The following CDH12 variants were observed in gnomAD, a reference collection of about 807,000 sequenced individuals.
CDH12 encodes cadherin-12.
A neutral mutation model predicts 74.1 loss-of-function variants in CDH12; 41 were observed. The observed-to-expected ratio is 0.55, with a 90% confidence interval of 0.43 to 0.72. The LOEUF is 0.72. Among genes scored for constraint, CDH12 ranks in the 30% least tolerant of loss-of-function variants. The pLI is 0.00. For missense variants in CDH12, 945 were observed against 977.2 expected (o/e 0.97, Z 0.44); for synonymous variants, 399 against 355.0 (o/e 1.12, Z -1.39).
At chr5:21,827,828 C>T (rs540363678) in intron 8 of CDH12, among the ~76,000 whole-genome samples, 14 of 152,178 alleles carry the variant, frequency 9.2e-5, no homozygotes, top group Admixed American at 3.9e-4. Flanking sequence ...ATAAACATGA[C>T]GGCAATTTTG....
At position 22,850,665 on chromosome 5, in the gene CDH12, T is replaced by C. The variant is rs147771639; in HGVS notation, c.-523+2393A>G. Among the ~76,000 whole-genome samples the C allele has an allele frequency of 7.1e-3, 1,085 of 152,224 alleles. 14 individuals are homozygous for C. The highest frequency in any genetic ancestry group is 0.025 in the African/African-American group (1,023 of 41,564). On this transcript the variant is annotated intron_variant, in intron 1 of 14. Coordinates refer to ENST00000382254, the MANE Select transcript of CDH12 (RefSeq NM_004061.5). ...AATTACTTTTAAAACAGCAATAATT[T>C]GCTAGAAGATGAACAGGATAATATC...
At chr5:21,979,964 T>G (rs1312321167) in intron 5 of CDH12, among the ~76,000 whole-genome samples, 1 of 151,848 alleles carries the variant, frequency 6.6e-6, no homozygotes, top group East Asian at 1.9e-4. Context: ...TCCTGACTTT[T>G]TAATGATTGC....
chr5:22,590,289 A>G (rs1265563347), intron 1 of CDH12, among the ~76,000 whole-genome samples: 1 of 152,180 alleles, frequency 6.6e-6, no homozygotes, highest in East Asian at 1.9e-4. Flanking sequence ...AAATGAAAGC[A>G]AAAAGAAAAA....
intron 4 of CDH12, among the ~76,000 whole-genome samples, chr5:22,202,569 G>T (rs1485949661): frequency 6.6e-6 from 1 of 152,104 alleles, no homozygotes; most frequent in Admixed American, 6.5e-5. Context: ...AGCTCAGTTT[G>T]ACTTTGATTA....
At chr5:22,144,224 T>C (rs570424399) in intron 4 of CDH12, 1 of 152,202 alleles carries the variant, frequency 6.6e-6, no homozygotes, top group Non-Finnish European at 1.5e-5. Flanking sequence ...ATCCACTAAC[T>C]GTTTAGAAAT....
chr5:22,390,488 T>A (rs893824026), intron 3 of CDH12, among the ~76,000 whole-genome samples: 1 of 152,026 alleles, frequency 6.6e-6, no homozygotes, highest in Non-Finnish European at 1.5e-5. Context: ...ATACTTTTTT[T>A]ATAAGCATCT....
intron 3 of CDH12, among the ~76,000 whole-genome samples, chr5:22,353,812 A>G (rs1184476091): frequency 1.3e-5 from 2 of 152,124 alleles, no homozygotes. Context: ...AACCTCTCTT[A>G]GTGATGTGCG....
At chr5:22,549,084 C>G (rs1207768937) in intron 1 of CDH12, among the ~76,000 whole-genome samples, 1 of 152,000 alleles carries the variant, frequency 6.6e-6, no homozygotes, top group African/African-American at 2.4e-5. Context: ...GAACTTCAGG[C>G]ATGTATCACC....
At chr5:21,890,415 T>G (rs1348035707) in intron 6 of CDH12, among the ~76,000 whole-genome samples, 1 of 152,094 alleles carries the variant, frequency 6.6e-6, no homozygotes, top group Admixed American at 6.6e-5. Flanking sequence ...AGAAAGTCAA[T>G]TATTTGTTAT....
chr5:22,250,043 G>A (rs1236221260), intron 3 of CDH12, among the ~76,000 whole-genome samples: 1 of 152,146 alleles, frequency 6.6e-6, no homozygotes, highest in African/African-American at 2.4e-5. Context: ...AGGCTGGTGG[G>A]GAAGTATTGC....
chr5:21,958,107 C>T (rs1756182982), intron 6 of CDH12, among the ~76,000 whole-genome samples: 1 of 152,234 alleles, frequency 6.6e-6, no homozygotes, highest in Non-Finnish European at 1.5e-5. Context: ...GGGCTCTTCC[C>T]AGCTTTGCCT....
At chr5:22,738,281 A>G (rs1431023722) in intron 1 of CDH12, among the ~76,000 whole-genome samples, 11 of 152,056 alleles carry the variant, frequency 7.2e-5, no homozygotes, top group Admixed American at 6.6e-4. Context: ...TAATTTTACT[A>G]ATATTTGCTT....
chr5:22,030,028 C>T (rs931122031), intron 5 of CDH12, among the ~76,000 whole-genome samples: 2 of 151,064 alleles, frequency 1.3e-5, no homozygotes, highest in African/African-American at 4.9e-5. Flanking sequence ...AAACCAAACA[C>T]CGCATGTTCT....
At chr5:22,604,934 C>T (rs1288486821) in intron 1 of CDH12, among the ~76,000 whole-genome samples, 2 of 152,220 alleles carry the variant, frequency 1.3e-5, no homozygotes, top group Non-Finnish European at 2.9e-5. Context: ...GTCAGTGACA[C>T]TCATGGGAGT....
At chr5:22,029,562 G>A (rs866237754) in intron 5 of CDH12, among the ~76,000 whole-genome samples, 1 of 151,988 alleles carries the variant, frequency 6.6e-6, no homozygotes, top group Non-Finnish European at 1.5e-5. Context: ...ACCACAATGA[G>A]ATACCATCTC....
At chr5:22,369,416 C>T (rs1191984532) in intron 3 of CDH12, among the ~76,000 whole-genome samples, 1 of 151,768 alleles carries the variant, frequency 6.6e-6, no homozygotes, top group Non-Finnish European at 1.5e-5. Flanking sequence ...CCATTTTTTT[C>T]CTAGAAAACA....
At chr5:22,266,335 A>G (rs1561267720) in intron 3 of CDH12, among the ~76,000 whole-genome samples, 2 of 151,982 alleles carry the variant, frequency 1.3e-5, no homozygotes, top group Admixed American at 6.6e-5. Context: ...GGCCTCCCAA[A>G]GTACTGGGAT....
chr5:22,692,319 T>A (rs984642254), intron 1 of CDH12, among the ~76,000 whole-genome samples: 9 of 152,144 alleles, frequency 5.9e-5, no homozygotes, highest in African/African-American at 2.2e-4. Context: ...GAAAATAAAT[T>A]ATCCAGCCTC....
At chr5:22,051,450 GA>G (rs748065809) in intron 5 of CDH12, among the ~76,000 whole-genome samples, 1 of 152,104 alleles carries the variant, frequency 6.6e-6, no homozygotes. Context: ...ATATTGGGTA[GA>G]TATAAATGAT....
Sources: gnomAD v4.1 joint callset for allele counts (sites outside exome capture counted in the v4.1 genomes callset) on GRCh38, gnomAD v4.1.1 for gene constraint, MANE v1.5 for transcripts, NCBI Gene and HGNC (gene_info 2026-07-23, HGNC 2026-07-21) for gene names.